USP48: variants seen among roughly 807,000 people sequenced by gnomAD.
The protein encoded by USP48 is ubiquitin carboxyl-terminal hydrolase 48.
In USP48, 43 loss-of-function variants were observed where a neutral mutation model predicts 150.7. The observed-to-expected ratio is 0.29, with a 90% CI of 0.22 to 0.37. USP48 has a LOEUF of 0.37. USP48 is among the 10% of genes least tolerant of loss of function. USP48 has a pLI of 1.00. For missense variants in USP48, 813 were observed against 1,249.6 expected (o/e 0.65, Z 5.27); for synonymous variants, 396 against 425.9 (o/e 0.93, Z 0.86).
rs974657317 is a variant in USP48, at chr1:21,695,293, C to G, written c.2728-72G>C. 4 of 1,475,670 alleles carry G rather than the reference C, an allele frequency of 2.7e-6. No individual in the cohort carries two copies. In the African/African-American group the frequency reaches 4.3e-5, roughly 16 times the overall value. 91.4% of individuals were successfully genotyped at this position (1,475,670 alleles called of 1,614,324 possible). A position where few individuals can be genotyped will look rare whatever the true frequency, so the allele number is the denominator to read the frequency against. Reference sequence around the variant, plus strand: ...TGTGACCCTTGCTCATGAAGTTTTTCAGGTAAACAAAAGCTGTTTCCTTAT... The same window carrying G: ...TGTGACCCTTGCTCATGAAGTTTTTGAGGTAAACAAAAGCTGTTTCCTTAT... On this transcript the variant is annotated intron_variant, in intron 22 of 26. Transcript: ENST00000308271.
At chr1:21,711,252 A>G (rs962727657) in intron 15 of USP48, among the ~76,000 whole-genome samples, 2 of 152,202 alleles carry the variant, frequency 1.3e-5, no homozygotes, top group Non-Finnish European at 2.9e-5. Context: ...GCTACACTGC[A>G]GTACTGTCCC....
intron 25 of USP48, among the ~76,000 whole-genome samples, chr1:21,685,463 C>A (rs886323034): frequency 6.6e-6 from 1 of 151,632 alleles, no homozygotes; most frequent in East Asian, 1.9e-4. Flanking sequence ...TACAGGCATG[C>A]GCTACTACGC....
intron 15 of USP48, among the ~76,000 whole-genome samples, chr1:21,711,217 C>A (rs2097689283): frequency 6.6e-6 from 1 of 151,888 alleles, no homozygotes; most frequent in Non-Finnish European, 1.5e-5. Context: ...TCTAAGTTGG[C>A]GAAAGTCAAG....
chr1:21,775,896 T>C (rs578057202), intron 1 of USP48, among the ~76,000 whole-genome samples: 20 of 152,096 alleles, frequency 1.3e-4, no homozygotes. Context: ...ACAAAACAAA[T>C]TTCACATCAA....
chr1:21,683,707 A>G (rs1047295230), intron 25 of USP48, among the ~76,000 whole-genome samples: 5 of 152,140 alleles, frequency 3.3e-5, no homozygotes, highest in African/African-American at 9.7e-5. Context: ...AATATACAAC[A>G]TATCACCCTA....
At chr1:21,723,259 C>G (rs1395895291) in intron 12 of USP48, among the ~76,000 whole-genome samples, 1 of 151,976 alleles carries the variant, frequency 6.6e-6, no homozygotes, top group African/African-American at 2.4e-5. Context: ...TGGCTCTTGC[C>G]TGTAATCCCA....
chr1:21,744,758 C>G (rs1242839900), intron 8 of USP48, among the ~76,000 whole-genome samples: 1 of 94,086 alleles, frequency 1.1e-5, no homozygotes, highest in Non-Finnish European at 1.9e-5. Flanking sequence ...GCCTGGGCAA[C>G]AGAATGAAAC....
chr1:21,724,016 G>C lies in USP48; in HGVS notation c.1530C>G (p.His510Gln), dbSNP rs533896362. Residue 510 changes from histidine (H) to glutamine (Q), a missense_variant, in exon 12 of 27, where the codon CAC becomes CAG. Coordinates refer to ENST00000308271, the MANE Select transcript of USP48 (RefSeq NM_032236.8). ...ESTPTKPIDN[H>Q]ACLCSHDKLH... ...GCTTGTCATGGGAACACAGGCAAGC[G>C]TGATTATCAATAGGTTTGGTAGGTG... 6.2e-7 allele frequency: 1 copy of C among 1,614,136 alleles called. No homozygotes were observed. Among genetic ancestry groups the C allele is most frequent in the Non-Finnish European group, 8.5e-7 (1 of 1,180,024 alleles).
rs578037598 is a variant in USP48, at chr1:21,781,388, G to C, written c.134+1436C>G. Among the ~76,000 whole-genome samples the C allele has an allele frequency of 1.1e-3, 175 of 152,238 alleles. 1 individual carries two copies. The highest frequency in any genetic ancestry group is 3.9e-3 in the African/African-American group (161 of 41,540). On this transcript the variant is annotated intron_variant, in intron 1 of 26. Coordinates refer to ENST00000308271, the MANE Select transcript of USP48 (RefSeq NM_032236.8). ...AAGGAGGCAGAGGTTGCAGTGAGCC[G>C]AGATCACGCCATTGCACTCTAGCCT...
intron 1 of USP48, among the ~76,000 whole-genome samples, chr1:21,770,532 A>G (rs143384637): frequency 7.2e-6 from 1 of 138,296 alleles, no homozygotes; most frequent in East Asian, 2.1e-4. Context: ...CCCAGGCTGG[A>G]GTGCAGAGGC....
intron 9 of USP48, among the ~76,000 whole-genome samples, chr1:21,735,391 G>T (rs2097766547): frequency 6.6e-6 from 1 of 151,930 alleles, no homozygotes; most frequent in Non-Finnish European, 1.5e-5. Context: ...GTTAAACTCA[G>T]GAGTTCGAAA....
Position 21,729,837 on chromosome 1 carries a change from G to A in USP48, c.1172-5C>T. 1.2e-6 allele frequency: 2 copies of A among 1,613,882 alleles called. No homozygotes were observed. The highest frequency in any genetic ancestry group is 1.7e-6 in the Non-Finnish European group (2 of 1,179,906). ...TCTGAGACTTAGAAGGTTCTGCTGAGATAGAGAAATCAAAAGGTACCTTAA... is the reference window on the plus strand; with the variant it reads ...TCTGAGACTTAGAAGGTTCTGCTGAAATAGAGAAATCAAAAGGTACCTTAA... On this transcript the variant is annotated splice_polypyrimidine_tract_variant and splice_region_variant and intron_variant, in intron 9 of 26. Transcript: ENST00000308271.
chr1:21,717,001 G>C (rs1187382660), intron 14 of USP48, among the ~76,000 whole-genome samples: 1 of 152,022 alleles, frequency 6.6e-6, no homozygotes, highest in Non-Finnish European at 1.5e-5. Flanking sequence ...GCACGACAGA[G>C]CGAGACTCCG....
intron 22 of USP48, 34 bp downstream of exon 22, chr1:21,701,464 A>G: frequency 2.5e-6 from 4 of 1,584,520 alleles, no homozygotes; most frequent in Non-Finnish European, 3.5e-6. Context: ...GAACAGCAGA[A>G]AGTATAACAA....
intron 6 of USP48, among the ~76,000 whole-genome samples, chr1:21,751,090 A>C (rs2152577032): frequency 6.6e-6 from 1 of 152,356 alleles, no homozygotes; most frequent in East Asian, 1.9e-4. Context: ...AACAGAAAGG[A>C]ATCACTGAAT....
chr1:21,720,717 G>A (rs1383429305), intron 14 of USP48, among the ~76,000 whole-genome samples: 1 of 152,064 alleles, frequency 6.6e-6, no homozygotes, highest in Non-Finnish European at 1.5e-5. Context: ...TTTTAGTAGA[G>A]ACGGGGTTTC....
Position 21,769,204 on chromosome 1 carries a change from G to C in USP48, c.135-11421C>G, listed in dbSNP as rs540085394. 1.2e-4 allele frequency among the ~76,000 whole-genome samples: 18 copies of C among 152,088 alleles called. 1 individual carries two copies. In the South Asian group the frequency reaches 3.3e-3, roughly 28 times the overall value. On this transcript the variant is annotated intron_variant, in intron 1 of 26. Coordinates refer to ENST00000308271, the MANE Select transcript of USP48 (RefSeq NM_032236.8). ...AACTGATGAGAATAATCAATTCCAG[G>C]TTGACTGTAGACCTAAGCATGAAAG...
intron 5 of USP48, among the ~76,000 whole-genome samples, 176 bp from the exon 6 acceptor site, chr1:21,751,791 G>A (rs901727134): frequency 2.0e-5 from 3 of 152,088 alleles, no homozygotes; most frequent in African/African-American, 4.8e-5. Context: ...AGACCAAGGC[G>A]AGTGGATCAC....
intron 8 of USP48, among the ~76,000 whole-genome samples, chr1:21,744,992 G>T (rs1348199443): frequency 6.6e-6 from 1 of 152,042 alleles, no homozygotes; most frequent in Admixed American, 6.6e-5. Flanking sequence ...GCTTTGCATG[G>T]ATATGTGTGT....
Sources: allele counts gnomAD v4.1 joint callset (sites outside exome capture counted in the v4.1 genomes callset), GRCh38; gene constraint gnomAD v4.1.1; transcripts MANE v1.5; gene names NCBI Gene and HGNC (gene_info 2026-07-23, HGNC 2026-07-21).